The following PTGES variants were observed in gnomAD, a reference collection of about 807,000 sequenced individuals.
The protein encoded by PTGES is prostaglandin E synthase.
PTGES carries 3 observed loss-of-function variants against 11.8 expected under a neutral mutation model. The observed-to-expected ratio is 0.25, with a 90% CI of 0.12 to 0.66. The LOEUF (loss-of-function observed/expected upper bound fraction) is 0.66, where lower values mean the gene tolerates loss of function less well. Among genes scored for constraint, PTGES ranks in the 30% least tolerant of loss-of-function variants. The probability of loss-of-function intolerance (pLI) is 0.82; values close to 1 mark genes in which losing one functional copy is unlikely to be tolerated. For synonymous variants in PTGES, 94 were observed against 90.4 expected, an observed-to-expected ratio of 1.04 and a Z score of -0.22; for missense variants, 180 against 213.0, an observed-to-expected ratio of 0.85 and a Z score of 0.96.
chr9:129,749,510 G>T (rs1833082536), intron 1 of PTGES: 1 of 152,280 alleles, frequency 6.6e-6, no homozygotes, highest in Admixed American at 6.5e-5. Flanking sequence ...GCTGTGTGTG[G>T]TGATACACAC....
chr9:129,745,927 G>A lies in PTGES; in HGVS notation c.209+2728C>T, dbSNP rs888330925. The stretch of plus-strand genomic sequence containing the variant: ...CAGGTGCCTGTAATCCCAGCTACTC[G>A]GGAGGCTGAGGCAGGGGAATTGCTC... On this transcript the variant is annotated intron_variant, in intron 2 of 2. Coordinates refer to ENST00000340607, the MANE Select transcript of PTGES (RefSeq NM_004878.5). The surrounding 1 kb of genome is among the most constrained non-coding windows in gnomAD (Gnocchi z 4.2). Among the ~76,000 whole-genome samples, 13 of 151,930 alleles carry A rather than the reference G, an allele frequency of 8.6e-5. No individual in the cohort carries two copies. Among genetic ancestry groups the A allele is most frequent in the African/African-American group, 2.4e-4 (10 of 41,342 alleles).
intron 2 of PTGES, among the ~76,000 whole-genome samples, chr9:129,743,147 C>G (rs1833015464): frequency 6.6e-6 from 1 of 152,202 alleles, no homozygotes. Context: ...TCAGCGGTCA[C>G]CAGCGTGGGA....
At chr9:129,746,749 A>G (rs992127422) in intron 2 of PTGES, among the ~76,000 whole-genome samples, 4 of 152,128 alleles carry the variant, frequency 2.6e-5, no homozygotes, top group African/African-American at 9.7e-5. Flanking sequence ...CTTCCCCTTC[A>G]AGCTCTTCCG....
At position 129,744,935 on chromosome 9, in the gene PTGES, G is replaced by T. The variant is rs115383150; in HGVS notation, c.209+3720C>A. On this transcript the variant is annotated intron_variant, in intron 2 of 2. Coordinates refer to ENST00000340607, the MANE Select transcript of PTGES (RefSeq NM_004878.5). ...TGGTGCAGCCGGAAGGGAGTATTAG[G>T]CTGGAAACCTCCAGTTCTGCTGTGG... Among the ~76,000 whole-genome samples the T allele has an allele frequency of 9.1e-3, 1,389 of 152,118 alleles. 20 individuals are homozygous for T. Among genetic ancestry groups the T allele is most frequent in the African/African-American group, 0.032 (1,308 of 41,488 alleles).
At chr9:129,751,308 G>A (rs1393980288) in intron 1 of PTGES, among the ~76,000 whole-genome samples, 1 of 145,630 alleles carries the variant, frequency 6.9e-6, no homozygotes, top group Non-Finnish European at 1.5e-5. Flanking sequence ...GGGCCACAGA[G>A]CAAGACCCTG....
At chr9:129,751,301 C>A (rs1401087286) in intron 1 of PTGES, among the ~76,000 whole-genome samples, 11 of 150,358 alleles carry the variant, frequency 7.3e-5, no homozygotes, top group African/African-American at 2.7e-4. Context: ...CCAGCCTGGG[C>A]CACAGAGCAA....
intron 2 of PTGES, among the ~76,000 whole-genome samples, chr9:129,741,158 C>T (rs542420677): frequency 6.6e-6 from 1 of 152,280 alleles, no homozygotes; most frequent in East Asian, 1.9e-4. Flanking sequence ...GACATATGTG[C>T]AGAAGCCTGA....
chr9:129,752,486 C>T (rs867920299), intron 1 of PTGES, among the ~76,000 whole-genome samples: 1 of 152,222 alleles, frequency 6.6e-6, no homozygotes, highest in Non-Finnish European at 1.5e-5. Context: ...TCCACTTAAA[C>T]GTTTCTCGGA....
intron 2 of PTGES, among the ~76,000 whole-genome samples, chr9:129,740,620 G>C (rs4147584): frequency 0.07 from 10,701 of 152,172 alleles, 453 homozygotes; most frequent in East Asian, 0.19. Flanking sequence ...TGGTGGGGGC[G>C]GAGGGGCTCT....
intron 2 of PTGES, among the ~76,000 whole-genome samples, chr9:129,742,607 T>C (rs1833008014): frequency 1.3e-5 from 2 of 152,026 alleles, no homozygotes. Context: ...AAAGTATGTG[T>C]TGATATTTTA....
rs753334822 is a variant in PTGES, at chr9:129,739,658, C to T, written c.412G>A (p.Ala138Thr). 29 of 1,555,304 alleles carry T rather than the reference C, an allele frequency of 1.9e-5. No homozygotes were observed. In the Admixed American group the frequency reaches 3.1e-4, roughly 17 times the overall value. Residue 138 changes from alanine (A) to threonine (T), a missense_variant, in exon 3 of 3, where the codon GCC (alanine) becomes ACC (threonine). By Grantham distance (58) the Ala-to-Thr change is moderately conservative. Coordinates refer to ENST00000340607, the MANE Select transcript of PTGES (RefSeq NM_004878.5). This position sits in a 1 kb window ranked among gnomAD's most constrained non-coding sequence, Gnocchi z 5.7. ...CAGAGGATCTGCAGAGCCATGGAGG[C>T]GCAGGGGAGCTGGGCCAGGGTGTAG... ...VTYTLAQLPC[A>T]SMALQILWEA...
At chr9:129,751,406 C>A (rs1041396888) in intron 1 of PTGES, among the ~76,000 whole-genome samples, 1 of 150,216 alleles carries the variant, frequency 6.7e-6, no homozygotes, top group Non-Finnish European at 1.5e-5. Context: ...CAGCCAGGTG[C>A]GGTGGCTCAC....
At chr9:129,744,693 A>G (rs376520082) in intron 2 of PTGES, among the ~76,000 whole-genome samples, 5 of 152,006 alleles carry the variant, frequency 3.3e-5, no homozygotes, top group African/African-American at 1.2e-4. Flanking sequence ...CCTAGCCAAC[A>G]TGGTGAAATC....
At chr9:129,741,117 C>A (rs1832990433) in intron 2 of PTGES, among the ~76,000 whole-genome samples, 2 of 152,126 alleles carry the variant, frequency 1.3e-5, no homozygotes, top group East Asian at 3.9e-4. Flanking sequence ...AGCTCTGCAG[C>A]GTGCCTGGGG....
At chr9:129,751,051 G>A (rs1833101518) in intron 1 of PTGES, among the ~76,000 whole-genome samples, 1 of 152,170 alleles carries the variant, frequency 6.6e-6, no homozygotes, top group Admixed American at 6.6e-5. Flanking sequence ...TCACAGCTGG[G>A]CACAGTGGCT....
At chr9:129,744,182 T>G (rs887089613) in intron 2 of PTGES, among the ~76,000 whole-genome samples, 9 of 152,128 alleles carry the variant, frequency 5.9e-5, no homozygotes, top group Non-Finnish European at 1.0e-4. Flanking sequence ...CGCCATCTCC[T>G]CCATCGCCAT....
At chr9:129,749,040 G>A (rs112956194) in intron 1 of PTGES, among the ~76,000 whole-genome samples, 6 of 152,206 alleles carry the variant, frequency 3.9e-5, no homozygotes, top group Admixed American at 1.3e-4. Context: ...GAATGTTTAC[G>A]TGGGACCTGA....
intron 2 of PTGES, 30 bp downstream of exon 2, chr9:129,748,625 G>A: frequency 2.0e-6 from 3 of 1,523,720 alleles, no homozygotes; most frequent in South Asian, 2.5e-5. Flanking sequence ...ATGGCCAGGT[G>A]TGGCCAGGCC....
chr9:129,743,548 G>A (rs1421034592), intron 2 of PTGES, among the ~76,000 whole-genome samples: 2 of 152,216 alleles, frequency 1.3e-5, no homozygotes, highest in Non-Finnish European at 2.9e-5. Flanking sequence ...ATAGGTGACA[G>A]CGGTGAGGAC....
Sources: allele counts gnomAD v4.1 joint callset (sites outside exome capture counted in the v4.1 genomes callset), GRCh38; gene constraint gnomAD v4.1.1; non-coding constraint Gnocchi (gnomAD v3.1); transcripts MANE v1.5; gene names NCBI Gene and HGNC (gene_info 2026-07-23, HGNC 2026-07-21).